The following DMD variants were observed in gnomAD, a reference collection of about 807,000 sequenced individuals.
DMD encodes the protein dystrophin, also known as mutant dystrophin.
Under a neutral mutation model 330.1 loss-of-function variants are expected in DMD, and 63 were observed. The observed-to-expected ratio is 0.19, with a 90% CI of 0.16 to 0.24. The LOEUF (loss-of-function observed/expected upper bound fraction) is 0.24. DMD is among the 10% of genes least tolerant of loss of function. The probability of loss-of-function intolerance (pLI) is 1.00; values close to 1 mark genes in which losing one functional copy is unlikely to be tolerated. For missense variants in DMD, 3,344 were observed against 2,684.1 expected (o/e 1.25, Z -5.43); for synonymous variants, 1,223 against 959.8 (o/e 1.27, Z -5.07).
intron 7 of DMD, among the ~76,000 whole-genome samples, chrX:32,805,530 G>A (rs189022206): frequency 7.3e-4 from 82 of 111,642 alleles, no homozygotes; most frequent in African/African-American, 2.0e-3. Context: ...TTATCCCGGC[G>A]AACTTTCCCA....
rs16998350 is a variant in DMD, at chrX:32,545,184, T to G, written c.2143A>C (p.Thr715Pro). ...PPPPQKKRQI[T>P]VDSEIRKRLD... ...CTTTTCCTAATTTCAGAATCCACAG[T>G]AATCTGCCTCTTCTTTTGGGGAGGT... Residue 715 changes from threonine to proline, a missense_variant, in exon 17 of 79, where the codon ACT (threonine) becomes CCT (proline). Thr to Pro is a conservative substitution (Grantham distance 38, BLOSUM62 -1). Transcript: ENST00000357033. 3.3e-6 allele frequency: 4 copies of G among 1,210,958 alleles called. No individual in the cohort carries two copies. Among genetic ancestry groups the G allele is most frequent in the Non-Finnish European group, 4.5e-6 (4 of 894,834 alleles).
At chrX:32,457,071 A>AT (rs1212956966) in intron 25 of DMD, among the ~76,000 whole-genome samples, 4 of 108,237 alleles carry the variant, frequency 3.7e-5, no homozygotes. Flanking sequence ...GAAAAAAAAA[A>AT]GGAGTCCACA....
intron 44 of DMD, among the ~76,000 whole-genome samples, chrX:32,140,606 A>C (rs1450227544): frequency 8.9e-6 from 1 of 111,917 alleles, no homozygotes; most frequent in African/African-American, 3.3e-5. Context: ...CATACTTGAG[A>C]CTGGGAAGAA....
At chrX:31,942,229 T>C (rs1379168332) in intron 45 of DMD, among the ~76,000 whole-genome samples, 1 of 111,811 alleles carries the variant, frequency 8.9e-6, no homozygotes, top group Non-Finnish European at 1.9e-5. Context: ...CATTCTGTTC[T>C]GATTTCTAAC....
intron 44 of DMD, among the ~76,000 whole-genome samples, chrX:32,130,322 T>C (rs2096685506): frequency 9.0e-6 from 1 of 111,668 alleles, no homozygotes; most frequent in South Asian, 3.7e-4. Context: ...CCATACCCAC[T>C]ACTATCAATG....
At chrX:31,925,769 A>G (rs1214447827) in intron 47 of DMD, among the ~76,000 whole-genome samples, 2 of 107,595 alleles carry the variant, frequency 1.9e-5, no homozygotes, top group Admixed American at 1.0e-4. Flanking sequence ...CTACTCGGGA[A>G]GCTGAGGCAG....
At chrX:32,568,007 G>A (rs808573) in intron 15 of DMD, among the ~76,000 whole-genome samples, 26,598 of 110,965 alleles carry the variant, frequency 0.24, 2,579 homozygotes, top group East Asian at 0.56. Context: ...AAGGCTGAAT[G>A]GTCTACCCAT....
intron 1 of DMD, among the ~76,000 whole-genome samples, chrX:33,305,190 G>T (rs1382341496): frequency 1.1e-4 from 12 of 105,919 alleles, no homozygotes; most frequent in Non-Finnish European, 2.3e-4. Context: ...ATGATAGACT[G>T]GATTAAGAAA....
intron 44 of DMD, among the ~76,000 whole-genome samples, chrX:32,147,877 CTT>C (rs779461772): frequency 2.7e-4 from 24 of 87,917 alleles, no homozygotes; most frequent in African/African-American, 7.2e-4. Flanking sequence ...AAAATTTCTT[CTT>C]TTTTTTTTTT....
chrX:32,584,121 C>T (rs1311539926), intron 13 of DMD, among the ~76,000 whole-genome samples: 1 of 110,583 alleles, frequency 9.0e-6, no homozygotes, highest in East Asian at 2.9e-4. Flanking sequence ...ATAGAAAATC[C>T]AGTAGAAAAA....
chrX:31,821,122 C>T (rs1023203312), intron 49 of DMD, among the ~76,000 whole-genome samples: 2 of 112,441 alleles, frequency 1.8e-5, no homozygotes, highest in South Asian at 3.7e-4. Context: ...CTTTCTATTG[C>T]TGGAAGCAGA....
intron 4 of DMD, among the ~76,000 whole-genome samples, chrX:32,832,897 T>C (rs1483844245): frequency 9.0e-6 from 1 of 111,402 alleles, no homozygotes; most frequent in Non-Finnish European, 1.9e-5. Context: ...CCCTTCCTTA[T>C]CTCCGTATTT....
chrX:31,546,327 T>C (rs2074140148), intron 55 of DMD, among the ~76,000 whole-genome samples: 2 of 112,189 alleles, frequency 1.8e-5, no homozygotes, highest in African/African-American at 6.5e-5. Flanking sequence ...CTTAGTCATT[T>C]TGGCTGGGCT....
chrX:33,246,062 G>A (rs918366419), intron 1 of DMD, among the ~76,000 whole-genome samples: 2 of 111,936 alleles, frequency 1.8e-5, no homozygotes, highest in Admixed American at 9.5e-5. Flanking sequence ...ATGAAATGTA[G>A]TACATATCCC....
rs1180611119 is a variant in DMD, at chrX:31,348,618, C to T, written c.9101G>A (p.Arg3034Gln). The T allele has an allele frequency of 1.4e-5, 17 of 1,207,780 alleles. No individual in the cohort carries two copies. The highest frequency in any genetic ancestry group is 1.8e-5 in the South Asian group (1 of 56,379). ...GTGGGCTTCATGCAGCTGCCTGACT[C>T]GGTCCTCGACGGCCACCTGGGAGGA... is the stretch of plus-strand genomic sequence containing the variant. ...WKLLQVAVED[R>Q]VRQLHEAHRD... The change falls in exon 61 of 79, where the codon CGA becomes CAA. Residue 3034 changes from arginine (R) to glutamine (Q), a missense_variant. Coordinates refer to ENST00000357033, the MANE Select transcript of DMD (RefSeq NM_004006.3).
At chrX:32,189,504 G>C (rs769111662) in intron 44 of DMD, among the ~76,000 whole-genome samples, 19 of 110,765 alleles carry the variant, frequency 1.7e-4, no homozygotes, top group Non-Finnish European at 2.7e-4. Flanking sequence ...AAGTAAATGT[G>C]ACAGAGACTA....
intron 60 of DMD, among the ~76,000 whole-genome samples, chrX:31,350,090 T>C (rs921863870): frequency 1.1e-4 from 12 of 111,289 alleles, no homozygotes; most frequent in African/African-American, 3.9e-4. Flanking sequence ...TTATTTTATA[T>C]ACACAAAAGC....
At chrX:32,776,169 G>A (rs1261115355) in intron 7 of DMD, among the ~76,000 whole-genome samples, 1 of 110,838 alleles carries the variant, frequency 9.0e-6, no homozygotes, top group African/African-American at 3.3e-5. Flanking sequence ...CTCCATCTGA[G>A]ACTATCTCAG....
At chrX:32,555,981 A>G (rs781129942) in intron 16 of DMD, among the ~76,000 whole-genome samples, 2 of 112,260 alleles carry the variant, frequency 1.8e-5, no homozygotes, top group East Asian at 5.6e-4. Flanking sequence ...GGATCTAATT[A>G]AACTAAAGAA....
Sources: allele counts gnomAD v4.1 joint callset (sites outside exome capture counted in the v4.1 genomes callset), GRCh38; gene constraint gnomAD v4.1.1; transcripts MANE v1.5; gene names NCBI Gene and HGNC (gene_info 2026-07-23, HGNC 2026-07-21).